The following BRCA2 variants were observed in gnomAD, a reference collection of about 807,000 sequenced individuals.
The protein encoded by BRCA2 is BRCA2 DNA repair associated, also known as breast cancer type 2 susceptibility protein.
A neutral mutation model predicts 276.7 loss-of-function variants in BRCA2; 203 were observed. That is an observed-to-expected ratio of 0.73 (90% CI 0.65 to 0.82). The LOEUF (loss-of-function observed/expected upper bound fraction) is 0.82, where lower values mean the gene tolerates loss of function less well. Ranked by LOEUF, BRCA2 falls within the 40% of genes least tolerant of loss-of-function variation. The probability of loss-of-function intolerance (pLI) is 0.00; values close to 1 mark genes in which losing one functional copy is unlikely to be tolerated. For missense variants in BRCA2, 3,920 were observed against 3,915.0 expected (o/e 1.00, Z -0.03); for synonymous variants, 1,289 against 1,338.4 (o/e 0.96, Z 0.81).
intron 20 of BRCA2, among the ~76,000 whole-genome samples, chr13:32,376,413 C>T (rs11571758): frequency 6.6e-6 from 1 of 151,026 alleles, no homozygotes; most frequent in Non-Finnish European, 1.5e-5. Flanking sequence ...CCCAGCTACT[C>T]GGGAGGCTGA....
At chr13:32,332,079 T>A (rs1194996878) in intron 9 of BRCA2, among the ~76,000 whole-genome samples, 193 bp from the exon 10 acceptor site, 1 of 152,160 alleles carries the variant, frequency 6.6e-6, no homozygotes, top group African/African-American at 2.4e-5. Flanking sequence ...GGAATCAGGC[T>A]TTACTAGAAG....
chr13:32,396,770 T>C, intron 25 of BRCA2, 128 bp from the exon 26 acceptor site: 2 of 1,166,728 alleles, frequency 1.7e-6, no homozygotes, highest in Non-Finnish European at 2.5e-6. Flanking sequence ...ACAATTGGTA[T>C]CACATTTAGG....
intron 11 of BRCA2, among the ~76,000 whole-genome samples, chr13:32,343,351 C>T (rs926149489): frequency 6.6e-6 from 1 of 152,114 alleles, no homozygotes; most frequent in Non-Finnish European, 1.5e-5. Context: ...TTTAAAAAAC[C>T]TATAAACTCA....
At chr13:32,343,683 T>A (rs2072589517) in intron 11 of BRCA2, among the ~76,000 whole-genome samples, 1 of 151,074 alleles carries the variant, frequency 6.6e-6, no homozygotes, top group Admixed American at 6.7e-5. Flanking sequence ...TTGTGCATAC[T>A]GAAGTATATT....
rs747070579 is a variant in BRCA2, at chr13:32,338,358, G to T, written c.4003G>T (p.Glu1335Ter). Residue 1335 changes from glutamate to a stop codon, truncating the protein, a stop_gained, in exon 11 of 27, where the codon GAA becomes TAA. Transcript: ENST00000380152. LOFTEE classifies it high-confidence loss of function. ...TAASRNSHNL[E>*]FDGSDSSKND... is the part of the protein sequence containing the mutation. The stretch of plus-strand genomic sequence containing the variant: ...TGCCAGTAGAAATTCTCATAACTTA[G>T]AATTTGATGGCAGTGATTCAAGTAA... The T allele has an allele frequency of 1.9e-6, 3 of 1,586,872 alleles. No homozygotes were observed. Among genetic ancestry groups the T allele is most frequent in the Non-Finnish European group, 1.7e-6 (2 of 1,169,026 alleles).
At chr13:32,345,716 A>G (rs1566237403) in intron 12 of BRCA2, among the ~76,000 whole-genome samples, 1 of 152,072 alleles carries the variant, frequency 6.6e-6, no homozygotes, top group Non-Finnish European at 1.5e-5. Context: ...CTAAACACGA[A>G]ATTTATTTAA....
At chr13:32,351,864 C>T (rs1044613482) in intron 13 of BRCA2, among the ~76,000 whole-genome samples, 6 of 151,974 alleles carry the variant, frequency 3.9e-5, no homozygotes, top group Non-Finnish European at 5.9e-5. Context: ...TACAGTGGCA[C>T]GATCTTGGCT....
intron 21 of BRCA2, among the ~76,000 whole-genome samples, chr13:32,377,489 C>A (rs2072881884): frequency 6.6e-6 from 1 of 151,404 alleles, no homozygotes; most frequent in Non-Finnish European, 1.5e-5. Context: ...GTTCGGGAGG[C>A]TCAGGCAGGA....
chr13:32,396,822 T>C, intron 25 of BRCA2, 76 bp from the exon 26 acceptor site: 2 of 1,574,470 alleles, frequency 1.3e-6, no homozygotes, highest in East Asian at 4.5e-5. Context: ...ATTTCTGCTT[T>C]TAAAGGAAAT....
At chr13:32,379,242 A>T in intron 21 of BRCA2, 75 bp from the exon 22 acceptor site, 2 of 1,434,800 alleles carry the variant, frequency 1.4e-6, no homozygotes, top group Non-Finnish European at 1.9e-6. Flanking sequence ...TGTCCTGTTT[A>T]AAGCCATCTA....
rs1555282822 is a variant in BRCA2, at chr13:32,337,104, G to A, written c.2749G>A (p.Val917Ile). Reference sequence around the variant, plus strand: ...ACTTCATGAAACAGACTTGACTTGTGTAAACGAACCCATTTTCAAGAACTC... The same window carrying A: ...ACTTCATGAAACAGACTTGACTTGTATAAACGAACCCATTTTCAAGAACTC... ...KELHETDLTC[V>I]NEPIFKNSTM... The change falls in exon 11 of 27, where the codon GTA (valine) becomes ATA (isoleucine). Residue 917 changes from valine to isoleucine, a missense_variant. Val to Ile is a conservative substitution (Grantham distance 29). This residue lies in a region of BRCA2 where 3,263 missense variants were observed against 3,156.9 expected (regional missense o/e 1.03). Transcript: ENST00000380152. The A allele has an allele frequency of 6.2e-7, 1 of 1,613,774 alleles. No individual in the cohort carries two copies. The highest frequency in any genetic ancestry group is 8.5e-7 in the Non-Finnish European group (1 of 1,179,864).
In BRCA2 at chr13:32,379,910, A is replaced by G. The variant is rs1555288512; in HGVS notation, c.9114A>G (p.Leu3038=). 6.2e-7 allele frequency: 1 copy of G among 1,613,310 alleles called. No homozygotes were observed. The highest frequency in any genetic ancestry group is 8.5e-7 in the Non-Finnish European group (1 of 1,179,492). ...CAAAAAAAACTCAGTATCAACAACT[A>G]CCGGTACAAACCTTTCATTGTAATT... The part of the protein sequence containing the change: ...AATKKTQYQQ[L]PVSDEILFQI... The change falls in exon 23 of 27, where the codon CTA becomes CTG. Residue 3038 remains leucine, a synonymous_variant. Transcript: ENST00000380152.
In BRCA2 at chr13:32,339,320, C is replaced by A. The variant is rs80358721; in HGVS notation, c.4965C>A (p.Tyr1655Ter). The A allele has an allele frequency of 1.2e-6, 2 of 1,601,648 alleles. No homozygotes were observed. Among genetic ancestry groups the A allele is most frequent in the Non-Finnish European group, 1.7e-6 (2 of 1,175,600 alleles). Residue 1655 changes from tyrosine to a stop codon, truncating the protein, a stop_gained, in exon 11 of 27, where the codon TAC (tyrosine) becomes TAA (stop). Transcript: ENST00000380152. LOFTEE classifies it high-confidence loss of function. Reference protein sequence around the residue: ...KETAKSPATCYTNQSPYSVIE... With the variant: ...KETAKSPATC ...CAGCAAAAAGTCCTGCAACTTGTTACACAAATCAGTCCCCTTATTCAGTCA... is the reference window on the plus strand; with the variant it reads ...CAGCAAAAAGTCCTGCAACTTGTTAAACAAATCAGTCCCCTTATTCAGTCA...
chr13:32,359,662 A>C (rs2137571332), intron 16 of BRCA2, among the ~76,000 whole-genome samples: 1 of 152,342 alleles, frequency 6.6e-6, no homozygotes, highest in African/African-American at 2.4e-5. Flanking sequence ...TATTGTTTAC[A>C]TCTTGCGTAT....
rs1064797382 is a variant in BRCA2, at chr13:32,336,512, T to A, written c.2157T>A (p.Asn719Lys). 6.2e-7 allele frequency: 1 copy of A among 1,614,032 alleles called. No individual in the cohort carries two copies. Among genetic ancestry groups the A allele is most frequent in the Admixed American group, 1.7e-5 (1 of 60,002 alleles). ...LSCLQEGQCE[N>K]DPKSKKVSDI... ...GCCTGCAGGAAGGACAGTGTGAAAA[T>A]GATCCAAAAAGCAAAAAAGTTTCAG... The change falls in exon 11 of 27, where the codon AAT (asparagine) becomes AAA (lysine). Residue 719 changes from asparagine (N) to lysine (K), a missense_variant. Asn to Lys is a moderately conservative substitution (Grantham distance 94). Coordinates refer to ENST00000380152, the MANE Select transcript of BRCA2 (RefSeq NM_000059.4).
chr13:32,344,704 A>G (rs1473130488), intron 12 of BRCA2, 51 bp downstream of exon 12: 1 of 1,308,774 alleles, frequency 7.6e-7, no homozygotes, highest in Non-Finnish European at 1.1e-6. Context: ...GGTATGGTAT[A>G]TAATATTCTG....
chr13:32,393,394 A>G (rs988669503), intron 24 of BRCA2, among the ~76,000 whole-genome samples: 1 of 152,182 alleles, frequency 6.6e-6, no homozygotes, highest in African/African-American at 2.4e-5. Flanking sequence ...GGTTATTTAT[A>G]TCAGTATGGA....
rs1274123258 is a variant in BRCA2 at position 32,337,785 on chromosome 13, G to A, written c.3430G>A (p.Val1144Met). Residue 1144 changes from valine (V) to methionine (M), a missense_variant, in exon 11 of 27, where the codon GTG becomes ATG. Val to Met is a conservative substitution (Grantham distance 21). Transcript: ENST00000380152. ...CATATTGCAGAAGAGTACATTTGAA[G>A]TGCCTGAAAACCAGATGACTATCTT... Reference protein sequence around the residue: ...SYILQKSTFEVPENQMTILKT... With the variant: ...SYILQKSTFEMPENQMTILKT... 1 of 1,614,058 alleles carries A rather than the reference G, an allele frequency of 6.2e-7. No homozygotes were observed. The highest frequency in any genetic ancestry group is 1.1e-5 in the South Asian group (1 of 91,080).
At chr13:32,362,236 C>T (rs574872121) in intron 16 of BRCA2, among the ~76,000 whole-genome samples, 2 of 152,116 alleles carry the variant, frequency 1.3e-5, no homozygotes, top group South Asian at 2.1e-4. Context: ...CACTATGTTG[C>T]CTAGGCTGGT....
Sources: gnomAD v4.1 joint callset for allele counts (sites outside exome capture counted in the v4.1 genomes callset) on GRCh38, gnomAD v4.1.1 for gene constraint, gnomAD v4.1.1 regional missense constraint, MANE v1.5 for transcripts, NCBI Gene and HGNC (gene_info 2026-07-23, HGNC 2026-07-21) for gene names.